The following SMCHD1 variants were observed in gnomAD, a reference collection of about 807,000 sequenced individuals.
The protein encoded by SMCHD1 is structural maintenance of chromosomes flexible hinge domain containing 1.
Under a neutral mutation model 254.7 loss-of-function variants are expected in SMCHD1, and 78 were observed. That is an observed-to-expected ratio of 0.31 (90% CI 0.26 to 0.37). SMCHD1 has a LOEUF of 0.37. Among genes scored for constraint, SMCHD1 ranks in the 10% least tolerant of loss-of-function variants. The pLI is 1.00. For synonymous variants in SMCHD1, 766 were observed against 794.9 expected (o/e 0.96, Z 0.61); for missense variants, 1,840 against 2,408.1 (o/e 0.76, Z 4.94).
At chr18:2,685,105 T>TA (rs2074017138) in intron 5 of SMCHD1, among the ~76,000 whole-genome samples, 2 of 133,808 alleles carry the variant, frequency 1.5e-5, no homozygotes, top group African/African-American at 2.7e-5. Context: ...TTTTTTTCTT[T>TA]TTTTTTTTTT....
In SMCHD1 at chr18:2,692,881, A is replaced by G. The variant is rs138073739; in HGVS notation, c.874-1646A>G. 2.6e-5 allele frequency among the ~76,000 whole-genome samples: 4 copies of G among 152,346 alleles called. No homozygotes were observed. In the East Asian group the frequency reaches 7.7e-4, roughly 29 times the overall value. On this transcript the variant is annotated intron_variant, in intron 7 of 47. Coordinates refer to ENST00000320876, the MANE Select transcript of SMCHD1 (RefSeq NM_015295.3). ...CTTGAACCTATCTTTCTCAGGCCCA[A>G]GTTGAGGCATAGGACTTACAGAAGA...
At chr18:2,670,473 C>T (rs981103209) in intron 3 of SMCHD1, among the ~76,000 whole-genome samples, 2 of 152,136 alleles carry the variant, frequency 1.3e-5, no homozygotes, top group Admixed American at 6.5e-5. Flanking sequence ...TTCTAACATG[C>T]TATAGAATTT....
chr18:2,775,954 C>A, intron 42 of SMCHD1, 30 bp downstream of exon 42: 1 of 1,503,968 alleles, frequency 6.6e-7, no homozygotes. Context: ...AATTTTTTTT[C>A]TGAAATATAT....
chr18:2,714,888 A>C (rs62084227), intron 17 of SMCHD1, among the ~76,000 whole-genome samples: 29,448 of 151,956 alleles, frequency 0.19, 3,082 homozygotes, highest in South Asian at 0.27. Context: ...AGAATCCTAC[A>C]GAGGGAGCAG....
chr18:2,671,595 C>CTTTT (rs760647745), intron 3 of SMCHD1, among the ~76,000 whole-genome samples: 15 of 119,604 alleles, frequency 1.3e-4, no homozygotes, highest in African/African-American at 2.0e-4. Flanking sequence ...CTTTTCTTTT[C>CTTTT]TTTTTTTTTT....
At chr18:2,765,050 T>C (rs2075844258) in intron 37 of SMCHD1, among the ~76,000 whole-genome samples, 1 of 152,228 alleles carries the variant, frequency 6.6e-6, no homozygotes. Flanking sequence ...AAGTATCTGA[T>C]TAAAAATTTA....
chr18:2,717,533 A>G (rs1259833666), intron 17 of SMCHD1, among the ~76,000 whole-genome samples: 4 of 152,078 alleles, frequency 2.6e-5, no homozygotes, highest in Non-Finnish European at 5.9e-5. Context: ...AGCCATCACT[A>G]TATGGCCCAG....
chr18:2,751,176 T>C, intron 32 of SMCHD1, 102 bp from the exon 33 acceptor site: 1 of 641,556 alleles, frequency 1.6e-6, no homozygotes, highest in Non-Finnish European at 2.7e-6. Flanking sequence ...AACGTGTGCT[T>C]TAAACATTTA....
intron 12 of SMCHD1, among the ~76,000 whole-genome samples, chr18:2,701,718 T>C (rs1471760912): frequency 2.6e-5 from 4 of 152,182 alleles, no homozygotes; most frequent in South Asian, 2.1e-4. Context: ...TGAAATTTGT[T>C]ACAAAGTTGA....
chr18:2,694,734 C>T (rs779635851), intron 8 of SMCHD1, 41 bp downstream of exon 8: 78 of 1,560,252 alleles, frequency 5.0e-5, no homozygotes, highest in Non-Finnish European at 6.4e-5. Context: ...TGCTACTTAA[C>T]TTTTTTAAGG....
At chr18:2,777,700 G>C in intron 42 of SMCHD1, 106 bp from the exon 43 acceptor site, 1 of 588,140 alleles carries the variant, frequency 1.7e-6, no homozygotes, top group Admixed American at 3.1e-5. Flanking sequence ...GGAATTGATT[G>C]TATGATCAAA....
At chr18:2,765,015 GTGAACACTTT>G (rs1465594316) in intron 37 of SMCHD1, among the ~76,000 whole-genome samples, 2 of 152,122 alleles carry the variant, frequency 1.3e-5, no homozygotes, top group Non-Finnish European at 2.9e-5. Context: ...CACTATATGT[GTGAACACTTT>G]TAAAAATTCT....
intron 3 of SMCHD1, 162 bp from the exon 4 acceptor site, chr18:2,673,119 T>C: frequency 2.0e-6 from 2 of 985,378 alleles, no homozygotes; most frequent in Non-Finnish European, 2.4e-6. Flanking sequence ...TGGTGGTGAT[T>C]GGTGATGATG....
chr18:2,712,775 C>T (rs748995242), intron 17 of SMCHD1, among the ~76,000 whole-genome samples: 2 of 152,168 alleles, frequency 1.3e-5, no homozygotes, highest in Admixed American at 6.5e-5. Context: ...CCTCATTTTA[C>T]GCCAAAGTGA....
At chr18:2,762,285 T>C (rs754806877) in intron 36 of SMCHD1, 49 bp downstream of exon 36, 90 of 1,586,028 alleles carry the variant, frequency 5.7e-5, no homozygotes, top group Middle Eastern at 1.7e-4. Context: ...AGAAAAATTA[T>C]CTTTGATTTT....
chr18:2,718,453 T>A lies in SMCHD1; in HGVS notation c.2458+19T>A. On this transcript the variant is annotated intron_variant, in intron 19 of 47. Transcript: ENST00000320876. The surrounding 1 kb of genome is among the most constrained non-coding windows in gnomAD (Gnocchi z 4.6). ...GTTAAAGGTAAGCAAAACAGTAATATATAATTATATATGCTAAAGGTGGCA... is the reference window on the plus strand; with the variant it reads ...GTTAAAGGTAAGCAAAACAGTAATAAATAATTATATATGCTAAAGGTGGCA... 6.4e-7 allele frequency: 1 copy of A among 1,567,616 alleles called. No homozygotes were observed. The highest frequency in any genetic ancestry group is 2.3e-5 in the East Asian group (1 of 44,438).
intron 17 of SMCHD1, among the ~76,000 whole-genome samples, chr18:2,708,914 T>A (rs371410237): frequency 0.04 from 2,040 of 51,360 alleles, 175 homozygotes; most frequent in Admixed American, 0.051. Flanking sequence ...ATATAACATA[T>A]TAACATGAAA....
intron 45 of SMCHD1, among the ~76,000 whole-genome samples, chr18:2,792,188 T>A (rs905712625): frequency 6.6e-6 from 1 of 152,224 alleles, no homozygotes; most frequent in African/African-American, 2.4e-5. Context: ...CGCACAAGGC[T>A]GTCAAAAACA....
intron 45 of SMCHD1, among the ~76,000 whole-genome samples, chr18:2,789,577 C>T (rs1568394548): frequency 1.3e-5 from 2 of 152,156 alleles, no homozygotes; most frequent in South Asian, 2.1e-4. Context: ...TTTCAGCTTA[C>T]ATTTTTCAAC....
Sources: gnomAD v4.1 joint callset for allele counts (sites outside exome capture counted in the v4.1 genomes callset) on GRCh38, gnomAD v4.1.1 for gene constraint, Gnocchi (gnomAD v3.1) non-coding constraint, MANE v1.5 for transcripts, NCBI Gene and HGNC (gene_info 2026-07-23, HGNC 2026-07-21) for gene names.